The following BLTP3B variants were observed in gnomAD, a reference collection of about 807,000 sequenced individuals.
BLTP3B encodes bridge-like lipid transfer protein family member 3B.
chr12:100,044,361 T>G, the BLTP3B span, among the ~76,000 whole-genome samples: 8,890 of 152,276 alleles, frequency 0.058, 314 homozygotes, highest in South Asian at 0.071. Flanking sequence ...GTAGCACTGT[T>G]AATGACTTTA....
chr12:100,131,666 C>T, the BLTP3B span, among the ~76,000 whole-genome samples: 24 of 152,176 alleles, frequency 1.6e-4, no homozygotes, highest in African/African-American at 5.8e-4. Context: ...TCCTGAATCA[C>T]ACTGGCTTCA....
the BLTP3B span, among the ~76,000 whole-genome samples, chr12:100,053,399 C>T: frequency 6.6e-6 from 1 of 151,904 alleles, no homozygotes; most frequent in Non-Finnish European, 1.5e-5. Context: ...CAGAGTGAGA[C>T]TTGGTATCAA....
At chr12:100,043,319 C>T in the BLTP3B span, among the ~76,000 whole-genome samples, 4 of 152,134 alleles carry the variant, frequency 2.6e-5, no homozygotes, top group Admixed American at 6.5e-5. Context: ...TCTAGTCATT[C>T]CATCACCACT....
chr12:100,097,632 C>A, the BLTP3B span: 1 of 1,064,278 alleles, frequency 9.4e-7, no homozygotes, highest in Non-Finnish European at 1.3e-6. Context: ...GATATATTCA[C>A]CATGTTTTTA....
chr12:100,130,953 T>TACATACATACATACATAC, the BLTP3B span, among the ~76,000 whole-genome samples: 12 of 95,084 alleles, frequency 1.3e-4, no homozygotes, highest in African/African-American at 8.6e-4. Context: ...TACATACATA[T>TACATACATACATACATAC]ATATATATAG....
the BLTP3B span, chr12:100,059,077 A>G: frequency 6.2e-7 from 1 of 1,614,074 alleles, no homozygotes; most frequent in Non-Finnish European, 8.5e-7. Flanking sequence ...GACTCTGCAT[A>G]TCTTGTTGGT....
chr12:100,046,410 C>G, the BLTP3B span, among the ~76,000 whole-genome samples: 3,139 of 152,164 alleles, frequency 0.021, 112 homozygotes, highest in African/African-American at 0.071. Flanking sequence ...AAAAGGGTGA[C>G]TTCATGTCCT....
At chr12:100,058,885 G>T in the BLTP3B span, 1 of 1,613,796 alleles carries the variant, frequency 6.2e-7, no homozygotes, top group Non-Finnish European at 8.5e-7. Context: ...GACGAGGAAG[G>T]GGAAAATCTG....
the BLTP3B span, among the ~76,000 whole-genome samples, chr12:100,132,093 C>T: frequency 1.3e-5 from 2 of 152,184 alleles, no homozygotes; most frequent in East Asian, 3.9e-4. Context: ...TGCCCAGCCA[C>T]ACCCACTGTT....
chr12:100,058,931 AT>A, the BLTP3B span: 1 of 1,614,018 alleles, frequency 6.2e-7, no homozygotes, highest in South Asian at 1.1e-5. Context: ...TCTGACCACC[AT>A]TTGTCAAAGG....
chr12:100,091,130 G>T, the BLTP3B span, among the ~76,000 whole-genome samples: 1 of 147,652 alleles, frequency 6.8e-6, no homozygotes, highest in African/African-American at 2.5e-5. Flanking sequence ...GGGTTCAAGT[G>T]ATTTTCCTCC....
At chr12:100,092,675 T>C in the BLTP3B span, 1 of 154,648 alleles carries the variant, frequency 6.5e-6, no homozygotes, top group Non-Finnish European at 1.4e-5. Context: ...TATTCCATTT[T>C]ATATAAACAT....
chr12:100,110,445 A>AAAC, the BLTP3B span, among the ~76,000 whole-genome samples: 1,798 of 152,264 alleles, frequency 0.012, 40 homozygotes, highest in African/African-American at 0.041. Flanking sequence ...GATAACAAAC[A>AAAC]AAAAACCCTG....
At chr12:100,102,916 G>A in the BLTP3B span, 5,628 of 1,025,340 alleles carry the variant, frequency 5.5e-3, 28 homozygotes, top group Non-Finnish European at 6.6e-3. Context: ...TATTATTAAA[G>A]TATTATTTAA....
chr12:100,056,951 C>G, the BLTP3B span, among the ~76,000 whole-genome samples: 10 of 152,268 alleles, frequency 6.6e-5, no homozygotes, highest in Admixed American at 1.3e-4. Context: ...TTACAAACTC[C>G]TTAATGCCTT....
chr12:100,102,627 C>T, the BLTP3B span: 1 of 590,088 alleles, frequency 1.7e-6, no homozygotes, highest in East Asian at 3.2e-5. Flanking sequence ...TGCAACTTTG[C>T]AATGTATATA....
At chr12:100,117,026 C>T in the BLTP3B span, among the ~76,000 whole-genome samples, 1 of 152,032 alleles carries the variant, frequency 6.6e-6, no homozygotes, top group Non-Finnish European at 1.5e-5. Flanking sequence ...ATAACACAAA[C>T]TATAAAACAA....
At chr12:100,054,997 G>C in the BLTP3B span, among the ~76,000 whole-genome samples, 3 of 152,090 alleles carry the variant, frequency 2.0e-5, no homozygotes, top group South Asian at 6.2e-4. Context: ...ACATGACTAA[G>C]GGTGGTTTAA....
the BLTP3B span, among the ~76,000 whole-genome samples, chr12:100,124,287 A>G: frequency 3.3e-5 from 5 of 151,836 alleles, no homozygotes; most frequent in Admixed American, 2.0e-4. Flanking sequence ...CTCTCAAATA[A>G]ATAAATAAAA....
Sources: gnomAD v4.1 joint callset for allele counts (sites outside exome capture counted in the v4.1 genomes callset) on GRCh38, gnomAD v4.1.1 for gene constraint, MANE v1.5 for transcripts, NCBI Gene and HGNC (gene_info 2026-07-23, HGNC 2026-07-21) for gene names.